Variants in SSBP3 observed in about 807,000 individuals in gnomAD.
SSBP3 encodes single stranded DNA binding protein 3.
Under a neutral mutation model 69.6 loss-of-function variants are expected in SSBP3, and 5 were observed. The ratio of observed to expected loss-of-function variants is 0.07; its 90% confidence interval spans 0.04 to 0.15. The LOEUF (loss-of-function observed/expected upper bound fraction) is 0.15. Ranked by LOEUF, SSBP3 falls within the 10% of genes least tolerant of loss-of-function variation. SSBP3 has a pLI of 1.00. For missense variants in SSBP3, 312 were observed against 534.0 expected (o/e 0.58, Z 4.10); for synonymous variants, 196 against 193.4 (o/e 1.01, Z -0.11).
chr1:54,326,145 C>G (rs1021230183), intron 4 of SSBP3, among the ~76,000 whole-genome samples: 2 of 152,136 alleles, frequency 1.3e-5, no homozygotes, highest in African/African-American at 4.8e-5. Flanking sequence ...ATCTGATGAT[C>G]GCAGTGGGTA....
At position 54,337,452 on chromosome 1, in the gene SSBP3, T is replaced by C. The variant is rs1569857581; in HGVS notation, c.277-55925A>G. Among the ~76,000 whole-genome samples, 5 of 146,026 alleles carry C rather than the reference T, an allele frequency of 3.4e-5. No individual in the cohort carries two copies. In the South Asian group the frequency reaches 1.1e-3, roughly 32 times the overall value. ...GTCTCTGACTTCAAGCAGCAAAAGG[T>C]TGGCTGAACCAAAGCATTTTGTTTT... On this transcript the variant is annotated intron_variant, in intron 4 of 17. Coordinates refer to ENST00000610401, the Ensembl canonical transcript of SSBP3.
At chr1:54,267,379 C>T (rs145276248) in intron 5 of SSBP3, among the ~76,000 whole-genome samples, 33 of 152,364 alleles carry the variant, frequency 2.2e-4, no homozygotes, top group African/African-American at 7.7e-4. Flanking sequence ...GAGCTAAGTG[C>T]CGGAGACACG....
intron 17 of SSBP3, 28 bp from the exon 18 acceptor site, chr1:54,227,188 G>GGT (rs754487199): frequency 9.6e-7 from 1 of 1,042,018 alleles, no homozygotes. Flanking sequence ...AGAAGGGGGG[G>GGT]GGGTGAGGAT....
intron 4 of SSBP3, among the ~76,000 whole-genome samples, chr1:54,372,574 A>T (rs1025130881): frequency 4.6e-5 from 7 of 152,116 alleles, no homozygotes; most frequent in Non-Finnish European, 1.0e-4. Flanking sequence ...CAATCAACAC[A>T]ATCCTGGCTC....
chr1:54,250,796 C>T (rs1020021713), intron 9 of SSBP3, among the ~76,000 whole-genome samples: 5 of 152,132 alleles, frequency 3.3e-5, no homozygotes, highest in Non-Finnish European at 5.9e-5. Flanking sequence ...AACAGAACCA[C>T]GTGCAAACAC....
intron 5 of SSBP3, among the ~76,000 whole-genome samples, chr1:54,277,949 G>T (rs938640491): frequency 6.6e-6 from 1 of 152,146 alleles, no homozygotes. Context: ...AAATGCCACT[G>T]CTTGATTATG....
chr1:54,365,609 G>A (rs72912166), intron 4 of SSBP3, among the ~76,000 whole-genome samples: 4,897 of 152,176 alleles, frequency 0.032, 264 homozygotes, highest in African/African-American at 0.11. Context: ...CTGGGTGGGC[G>A]TGGCCCAACC....
chr1:54,311,312 G>C (rs931723070), intron 4 of SSBP3, among the ~76,000 whole-genome samples: 1 of 152,176 alleles, frequency 6.6e-6, no homozygotes, highest in Non-Finnish European at 1.5e-5. Flanking sequence ...AGTGTTCCCT[G>C]CTTCGGAACA....
chr1:54,353,120 C>T (rs533791199), intron 4 of SSBP3, among the ~76,000 whole-genome samples: 1 of 152,208 alleles, frequency 6.6e-6, no homozygotes, highest in Non-Finnish European at 1.5e-5. Flanking sequence ...GCTCCCTGGA[C>T]AGGTCCCCAC....
In SSBP3 at chr1:54,328,175, T is replaced by C. The variant is rs143506397; in HGVS notation, c.277-46648A>G. Among the ~76,000 whole-genome samples, 430 of 152,104 alleles carry C rather than the reference T, an allele frequency of 2.8e-3. 4 individuals are homozygous for C. Among genetic ancestry groups the C allele is most frequent in the African/African-American group, 0.01 (416 of 41,480 alleles). On this transcript the variant is annotated intron_variant, in intron 4 of 17. Coordinates refer to ENST00000610401, the Ensembl canonical transcript of SSBP3. ...GCGGCACTCCTCATCTCCCATCCTC[T>C]CTCCTTGCAAGCAACAGGGCCCGCA... is the stretch of plus-strand genomic sequence containing the variant.
chr1:54,261,575 T>C (rs1021391614), intron 5 of SSBP3, among the ~76,000 whole-genome samples: 1 of 152,150 alleles, frequency 6.6e-6, no homozygotes, highest in Non-Finnish European at 1.5e-5. Flanking sequence ...AAGCTGATGA[T>C]ACTGATGTGC....
intron 14 of SSBP3, among the ~76,000 whole-genome samples, chr1:54,234,165 C>T (rs1376161883): frequency 3.3e-5 from 5 of 151,342 alleles, no homozygotes; most frequent in Non-Finnish European, 5.9e-5. Context: ...CGTTAAGAGT[C>T]GTCACCACTC....
chr1:54,381,973 C>T (rs1647689967), intron 4 of SSBP3, among the ~76,000 whole-genome samples: 2 of 152,208 alleles, frequency 1.3e-5, no homozygotes, highest in East Asian at 3.9e-4. Context: ...GTGGGTGGAT[C>T]ATCTGAAGTC....
At chr1:54,351,998 G>A (rs1244409625) in intron 4 of SSBP3, among the ~76,000 whole-genome samples, 8 of 152,134 alleles carry the variant, frequency 5.3e-5, no homozygotes, top group Non-Finnish European at 7.3e-5. Context: ...CAAAACACAT[G>A]AAGACCCCCG....
At chr1:54,264,529 C>T (rs1488738625) in intron 5 of SSBP3, among the ~76,000 whole-genome samples, 3 of 152,162 alleles carry the variant, frequency 2.0e-5, no homozygotes, top group African/African-American at 2.4e-5. Flanking sequence ...GCCTGGGAGG[C>T]GAAGTGTGAG....
chr1:54,299,924 A>G (rs1179767532), intron 4 of SSBP3, among the ~76,000 whole-genome samples: 1 of 152,112 alleles, frequency 6.6e-6, no homozygotes, highest in Non-Finnish European at 1.5e-5. Context: ...CACCGACATA[A>G]TTCCTCCTTC....
At chr1:54,294,153 AAAAAAAAAAGAAAGAAAGAAAG>A (rs1226450599) in intron 4 of SSBP3, among the ~76,000 whole-genome samples, 1 of 101,688 alleles carries the variant, frequency 9.8e-6, no homozygotes, top group African/African-American at 3.4e-5. Flanking sequence ...AAAAAAAAAA[AAAAAAAAAAGAAAGAAAGAAAG>A]AAAGAAAGAA....
intron 4 of SSBP3, among the ~76,000 whole-genome samples, chr1:54,392,411 A>G (rs1467234736): frequency 6.6e-6 from 1 of 152,230 alleles, no homozygotes; most frequent in African/African-American, 2.4e-5. Context: ...AAAGGCAAAT[A>G]CTACAACACA....
At chr1:54,376,195 T>G (rs576205345) in intron 4 of SSBP3, among the ~76,000 whole-genome samples, 3 of 151,828 alleles carry the variant, frequency 2.0e-5, no homozygotes, top group African/African-American at 4.8e-5. Flanking sequence ...TGCGTGGGTG[T>G]GTGTGTGTGT....
Sources: allele counts gnomAD v4.1 joint callset (sites outside exome capture counted in the v4.1 genomes callset), GRCh38; gene constraint gnomAD v4.1.1; transcripts MANE v1.5; gene names NCBI Gene and HGNC (gene_info 2026-07-23, HGNC 2026-07-21).